The following TACR1 variants were observed in gnomAD, a reference collection of about 807,000 sequenced individuals.
The protein encoded by TACR1 is tachykinin receptor 1, also known as substance-P receptor.
Under a neutral mutation model 35.8 loss-of-function variants are expected in TACR1, and 25 were observed. The ratio of observed to expected loss-of-function variants is 0.70; its 90% CI spans 0.51 to 0.98. TACR1 has a LOEUF of 0.98. TACR1 is among the 50% of genes least tolerant of loss of function. The pLI is 0.00. For synonymous variants in TACR1, 195 were observed against 206.7 expected, an observed-to-expected ratio of 0.94 and a Z score of 0.48; for missense variants, 478 against 522.9, an observed-to-expected ratio of 0.91 and a Z score of 0.84.
intron 1 of TACR1, among the ~76,000 whole-genome samples, chr2:75,166,363 ATT>A (rs1407588900): frequency 6.6e-6 from 1 of 152,230 alleles, no homozygotes; most frequent in Non-Finnish European, 1.5e-5. Flanking sequence ...TTCCCATTAT[ATT>A]TTGAATGTTC....
At chr2:75,181,187 T>G (rs1675549723) in intron 1 of TACR1, among the ~76,000 whole-genome samples, 1 of 152,236 alleles carries the variant, frequency 6.6e-6, no homozygotes, top group South Asian at 2.1e-4. Context: ...CTATTTGGAA[T>G]CATTACCAAT....
chr2:75,059,153 A>G (rs143509214), intron 2 of TACR1, among the ~76,000 whole-genome samples: 113 of 152,304 alleles, frequency 7.4e-4, no homozygotes, highest in Middle Eastern at 3.4e-3. Flanking sequence ...CATTGATAGA[A>G]TCCCAACCCC....
intron 2 of TACR1, among the ~76,000 whole-genome samples, chr2:75,081,563 C>T (rs1044775329): frequency 6.6e-6 from 1 of 152,072 alleles, no homozygotes; most frequent in African/African-American, 2.4e-5. Flanking sequence ...ATTGGGGTGT[C>T]ACATGTATAA....
intron 1 of TACR1, among the ~76,000 whole-genome samples, chr2:75,177,291 C>T (rs1675446115): frequency 6.6e-6 from 1 of 152,182 alleles, no homozygotes; most frequent in South Asian, 2.1e-4. Context: ...TCTTCATCCC[C>T]ACCACTGTTC....
intron 1 of TACR1, among the ~76,000 whole-genome samples, chr2:75,161,464 T>C (rs370903381): frequency 2.0e-4 from 30 of 152,252 alleles, no homozygotes; most frequent in East Asian, 5.8e-4. Flanking sequence ...AAAATGTTAA[T>C]CTTTCACAGA....
At chr2:75,133,475 G>A (rs1039058642) in intron 1 of TACR1, among the ~76,000 whole-genome samples, 10 of 152,112 alleles carry the variant, frequency 6.6e-5, no homozygotes, top group Non-Finnish European at 1.0e-4. Flanking sequence ...CTTTCTTTGC[G>A]TTAATTCATT....
At chr2:75,156,854 G>A (rs1313988679) in intron 1 of TACR1, among the ~76,000 whole-genome samples, 4 of 152,204 alleles carry the variant, frequency 2.6e-5, no homozygotes, top group Non-Finnish European at 5.9e-5. Context: ...ATGCTCATTA[G>A]TGTCTAGTTT....
intron 1 of TACR1, among the ~76,000 whole-genome samples, chr2:75,193,537 C>T (rs192950122): frequency 6.6e-6 from 1 of 152,326 alleles, no homozygotes; most frequent in Non-Finnish European, 1.5e-5. Context: ...AATTCATTCC[C>T]TGATTCACCT....
intron 2 of TACR1, among the ~76,000 whole-genome samples, chr2:75,102,702 T>C (rs1481115878): frequency 6.6e-6 from 1 of 152,146 alleles, no homozygotes; most frequent in East Asian, 1.9e-4. Flanking sequence ...AATCGTGATA[T>C]TCCCACAATT....
In TACR1 at chr2:75,048,262, G is replaced by A. The variant is rs1672398072; in HGVS notation, c.*1170C>T. 1 of 152,216 alleles carries A rather than the reference G, an allele frequency of 6.6e-6. No homozygotes were observed. Among genetic ancestry groups the A allele is most frequent in the Admixed American group, 6.5e-5 (1 of 15,280 alleles). 9.4% of individuals were successfully genotyped at this position (152,216 alleles called of 1,614,324 possible). ...ACGATGCTAGTGTAAAACTAAGAAT[G>A]AAGGTTAGGGCCCCCACCCTAAAAT... is the stretch of plus-strand genomic sequence containing the variant. On this transcript the variant is annotated 3_prime_UTR_variant, in exon 5 of 5. Coordinates refer to ENST00000305249, the MANE Select transcript of TACR1 (RefSeq NM_001058.4).
At chr2:75,064,077 G>T (rs553263809) in intron 2 of TACR1, among the ~76,000 whole-genome samples, 4 of 148,786 alleles carry the variant, frequency 2.7e-5, no homozygotes, top group African/African-American at 1.0e-4. Flanking sequence ...TTCTTTCTTG[G>T]GCAGCAGTGT....
In TACR1 at chr2:75,199,282, C is replaced by T. The variant is rs1676073616; in HGVS notation, c.-348G>A. On this transcript the variant is annotated 5_prime_UTR_variant, in exon 1 of 5. Transcript: ENST00000305249. The stretch of plus-strand genomic sequence containing the variant: ...AAGCAAGAGATCCCCCGCATTTATG[C>T]ACCTGCTGCTGCCTGCAACTCCTAT... 4.0e-6 allele frequency: 1 copy of T among 249,002 alleles called. No homozygotes were observed. 15.4% of individuals were successfully genotyped at this position (249,002 alleles called of 1,614,324 possible).
At position 75,120,611 on chromosome 2, in the gene TACR1, C is replaced by T. The variant is rs759439782; in HGVS notation, c.547G>A (p.Glu183Lys). ...TMPSRVVCMI[E>K]WPEHPNKIYE... ...ATCTTGTTCGGATGCTCTGGCCATT[C>T]GATCATGCACACGACTCTGCTGGGC... Residue 183 changes from glutamate (E) to lysine (K), a missense_variant, in exon 2 of 5, where the codon GAA becomes AAA. By Grantham distance (56) the Glu-to-Lys change is moderately conservative. Coordinates refer to ENST00000305249, the MANE Select transcript of TACR1 (RefSeq NM_001058.4). 22 of 1,609,476 alleles carry T rather than the reference C, an allele frequency of 1.4e-5. No individual in the cohort carries two copies. The highest frequency in any genetic ancestry group is 4.4e-5 in the South Asian group (4 of 90,058).
At chr2:75,083,585 A>G (rs1673134311) in intron 2 of TACR1, among the ~76,000 whole-genome samples, 1 of 151,984 alleles carries the variant, frequency 6.6e-6, no homozygotes, top group Non-Finnish European at 1.5e-5. Flanking sequence ...ATTTGTTTGT[A>G]TCCTCTTTTA....
chr2:75,100,424 CT>C (rs1673515302), intron 2 of TACR1, among the ~76,000 whole-genome samples: 1 of 152,050 alleles, frequency 6.6e-6, no homozygotes, highest in African/African-American at 2.4e-5. Flanking sequence ...ATTTGGAATT[CT>C]TTTTTCCAAC....
chr2:75,121,763 T>C (rs1232258180), intron 1 of TACR1, among the ~76,000 whole-genome samples: 2 of 152,114 alleles, frequency 1.3e-5, no homozygotes, highest in East Asian at 3.8e-4. Context: ...AATGATATCT[T>C]ATAGGGCCTT....
intron 2 of TACR1, among the ~76,000 whole-genome samples, chr2:75,069,696 T>A (rs1672836659): frequency 1.3e-5 from 2 of 152,124 alleles, no homozygotes; most frequent in Non-Finnish European, 2.9e-5. Flanking sequence ...TTTTGAGGAG[T>A]ATTGGTCAGA....
chr2:75,067,691 G>A (rs947816654), intron 2 of TACR1, among the ~76,000 whole-genome samples: 2 of 152,174 alleles, frequency 1.3e-5, no homozygotes, highest in Non-Finnish European at 2.9e-5. Flanking sequence ...TCAAAGCAGC[G>A]ACGTGAAGGG....
chr2:75,111,881 C>G (rs1673757104), intron 2 of TACR1, among the ~76,000 whole-genome samples: 1 of 151,702 alleles, frequency 6.6e-6, no homozygotes. Flanking sequence ...AGAGAGAAAC[C>G]TTTTCCTAAT....
Sources: allele counts gnomAD v4.1 joint callset (sites outside exome capture counted in the v4.1 genomes callset), GRCh38; gene constraint gnomAD v4.1.1; transcripts MANE v1.5; gene names NCBI Gene and HGNC (gene_info 2026-07-23, HGNC 2026-07-21).